The following TUBGCP6 variants were observed in gnomAD, a reference collection of about 807,000 sequenced individuals.
The protein encoded by TUBGCP6 is tubulin gamma complex component 6.
A neutral mutation model predicts 175.8 loss-of-function variants in TUBGCP6; 161 were observed. The ratio of observed to expected loss-of-function variants is 0.92; its 90% CI spans 0.81 to 1.04. TUBGCP6 has a LOEUF of 1.04. TUBGCP6 is among the 50% of genes least tolerant of loss of function. The probability of loss-of-function intolerance (pLI) is 0.00; values close to 1 mark genes in which losing one functional copy is unlikely to be tolerated. For missense variants in TUBGCP6, 2,572 were observed against 2,433.0 expected (o/e 1.06, Z -1.20); for synonymous variants, 1,173 against 1,030.5 (o/e 1.14, Z -2.65).
At chr22:50,226,709 G>T (rs780231670) in intron 7 of TUBGCP6, 24 bp downstream of exon 7, 1 of 1,555,792 alleles carries the variant, frequency 6.4e-7, no homozygotes, top group Admixed American at 1.9e-5. Flanking sequence ...CGCGCCCGCC[G>T]CGCCTGCCCA....
At chr22:50,233,660 G>T in intron 2 of TUBGCP6, 134 bp from the exon 3 acceptor site, 2 of 883,558 alleles carry the variant, frequency 2.3e-6, no homozygotes, top group Non-Finnish European at 1.7e-6. Context: ...AAGAAACATA[G>T]CCAGGTATGA....
At chr22:50,218,435 G>A in intron 22 of TUBGCP6, 33 bp from the exon 23 acceptor site, 2 of 1,612,794 alleles carry the variant, frequency 1.2e-6, no homozygotes, top group Non-Finnish European at 1.7e-6. Context: ...GGGCAGAGGT[G>A]AGCGCAGCCT....
intron 4 of TUBGCP6, 137 bp from the exon 5 acceptor site, chr22:50,228,165 T>C (rs2064640238): frequency 4.6e-6 from 5 of 1,079,710 alleles, no homozygotes; most frequent in Non-Finnish European, 6.3e-6. Flanking sequence ...GCAATGGGCC[T>C]CTGTGAGCCA....
At position 50,226,398 on chromosome 22, in the gene TUBGCP6, G is replaced by A; in HGVS notation, c.1602-20C>T. ...ATGAACCTGCAGTGGGGGAAAAGCA[G>A]GGGTAGATGTGGTCAACGGAGAGGT... On this transcript the variant is annotated intron_variant, in intron 7 of 24. Transcript: ENST00000248846. 1 of 1,586,368 alleles carries A rather than the reference G, an allele frequency of 6.3e-7. No homozygotes were observed. Among genetic ancestry groups the A allele is most frequent in the Non-Finnish European group, 8.6e-7 (1 of 1,165,830 alleles).
intron 2 of TUBGCP6, among the ~76,000 whole-genome samples, chr22:50,235,457 G>A (rs891783803): frequency 6.6e-6 from 1 of 152,246 alleles, no homozygotes; most frequent in Admixed American, 6.5e-5. Flanking sequence ...CCTTAAAAAG[G>A]AAGGCAGCTC....
intron 4 of TUBGCP6, among the ~76,000 whole-genome samples, chr22:50,228,329 C>CATGGCAAAG (rs1308229253): frequency 7.2e-6 from 1 of 139,112 alleles, no homozygotes. Context: ...GCCCCAGGGG[C>CATGGCAAAG]GCCCACCACC....
In TUBGCP6 at chr22:50,233,363, GCACGT is replaced by G. The variant is rs766333479; in HGVS notation, c.1064_1068del (p.Asp355AlafsTer210). ...GACACGACCCCAATCAAGACGTTCA[GCACGT>G]CTTTCACCAGCTCGCACTCCTTCAC... On this transcript the variant is annotated frameshift_variant, in exon 3 of 25. Transcript: ENST00000248846. LOFTEE classifies it high-confidence loss of function. 1 of 1,614,038 alleles carries G rather than the reference GCACGT, an allele frequency of 6.2e-7. No individual in the cohort carries two copies. The highest frequency in any genetic ancestry group is 8.5e-7 in the Non-Finnish European group (1 of 1,179,956).
intron 2 of TUBGCP6, among the ~76,000 whole-genome samples, chr22:50,236,199 G>C (rs1441186868): frequency 6.6e-6 from 1 of 151,848 alleles, no homozygotes; most frequent in African/African-American, 2.4e-5. Context: ...GCAGTGGCAC[G>C]ATCTTGGCCC....
intron 1 of TUBGCP6, 115 bp from the exon 2 acceptor site, chr22:50,240,482 T>C (rs2064826495): frequency 1.9e-5 from 25 of 1,284,194 alleles, no homozygotes; most frequent in Non-Finnish European, 2.6e-5. Context: ...TTCTTCTGTT[T>C]TTCTCAAGCG....
At chr22:50,238,378 C>G (rs535331744) in intron 2 of TUBGCP6, among the ~76,000 whole-genome samples, 7 of 149,136 alleles carry the variant, frequency 4.7e-5, no homozygotes, top group African/African-American at 1.7e-4. Context: ...ACCCGGGAGG[C>G]GGAGGTTGCA....
chr22:50,244,738 A>G lies in TUBGCP6; in HGVS notation c.-279T>C, dbSNP rs1453628494. ...GTTTCTTCTAATTCAGTAGCCCTCAACCTTTAGGGAGTCACAGAACCGTGG... is the reference window on the plus strand; with the variant it reads ...GTTTCTTCTAATTCAGTAGCCCTCAGCCTTTAGGGAGTCACAGAACCGTGG... On this transcript the variant is annotated 5_prime_UTR_variant, in exon 1 of 25. Coordinates refer to ENST00000248846, the MANE Select transcript of TUBGCP6 (RefSeq NM_020461.4). 1 of 444,608 alleles carries G rather than the reference A, an allele frequency of 2.2e-6. No individual in the cohort carries two copies. Among genetic ancestry groups the G allele is most frequent in the Non-Finnish European group, 4.0e-6 (1 of 248,564 alleles). The allele number at this position is 444,608 out of a possible 1,614,324, so 27.5% of individuals were successfully genotyped here. A position where few individuals can be genotyped will look rare whatever the true frequency, so the allele number is the denominator to read the frequency against.
At chr22:50,229,282 T>C (rs2064658464) in intron 4 of TUBGCP6, 122 bp downstream of exon 4, 6 of 1,127,752 alleles carry the variant, frequency 5.3e-6, no homozygotes, top group African/African-American at 1.6e-5. Context: ...TTTCAGATGT[T>C]AGCAAGGAAA....
chr22:50,224,282 G>C, intron 12 of TUBGCP6, 26 bp from the exon 13 acceptor site: 3 of 1,614,192 alleles, frequency 1.9e-6, no homozygotes, highest in Non-Finnish European at 2.5e-6. Context: ...AGCCTGGCCT[G>C]TGAAATCAGA....
rs572258765 is a variant in TUBGCP6 at position 50,219,449 on chromosome 22, C to G, written c.4323G>C (p.Pro1441=). ...CGGGGCGCAAAAGATGAGCAATGGG[C>G]GGCTCGGCTGCGGGAGATGGAGCAC... is the stretch of plus-strand genomic sequence containing the variant. ...YPDSYESMSE[P]PIAHLLRPVL... The change falls in exon 19 of 25, where the codon CCG becomes CCC. Residue 1441 remains proline, a synonymous_variant. Transcript: ENST00000248846. The G allele has an allele frequency of 6.3e-7, 1 of 1,576,146 alleles. No individual in the cohort carries two copies. Among genetic ancestry groups the G allele is most frequent in the Non-Finnish European group, 8.6e-7 (1 of 1,162,278 alleles).
Position 50,244,231 on chromosome 22 carries a change from A to G in TUBGCP6, c.229T>C (p.Leu77=). ...TTGGGGCCCAGGCCACCCACTCTCA[A>G]GTCAAAGGACAACATGAGGATCTTG... is the stretch of plus-strand genomic sequence containing the variant. ...RNKILMLSFD[L]RVGGLGPKAD... is the part of the protein sequence containing the mutation. Residue 77 remains leucine (L), a synonymous_variant, in exon 1 of 25, where the codon TTG becomes CTG. Transcript: ENST00000248846. The G allele has an allele frequency of 6.2e-7, 1 of 1,613,434 alleles. No homozygotes were observed. The highest frequency in any genetic ancestry group is 8.5e-7 in the Non-Finnish European group (1 of 1,180,040).
Position 50,243,956 on chromosome 22 carries a change from C to A in TUBGCP6, c.504G>T (p.Glu168Asp). Reference sequence around the variant, plus strand: ...CCTGGATCATGCTGTGACACAAACACTCTTCTCTGGAGATCAGAGACTGAA... The same window carrying A: ...CCTGGATCATGCTGTGACACAAACAATCTTCTCTGGAGATCAGAGACTGAA... ...MDVQSLISRE[E>D]CLCHSMIQET... Residue 168 changes from glutamate (E) to aspartate (D), a missense_variant, in exon 1 of 25, where the codon GAG becomes GAT. Transcript: ENST00000248846. The A allele has an allele frequency of 6.2e-7, 1 of 1,614,194 alleles. No homozygotes were observed. The highest frequency in any genetic ancestry group is 8.5e-7 in the Non-Finnish European group (1 of 1,180,054).
intron 2 of TUBGCP6, among the ~76,000 whole-genome samples, chr22:50,237,976 G>C (rs1409215817): frequency 2.6e-5 from 4 of 152,132 alleles, no homozygotes; most frequent in Non-Finnish European, 5.9e-5. Flanking sequence ...CACAAAATTA[G>C]CCAGGCGTGG....
chr22:50,219,588 C>T lies in TUBGCP6; in HGVS notation c.4315+56G>A, dbSNP rs56058201. 4.8e-3 allele frequency: 7,750 copies of T among 1,599,260 alleles called. 22 individuals are homozygous for T. The highest frequency in any genetic ancestry group is 6.0e-3 in the Non-Finnish European group (6,982 of 1,170,228). On this transcript the variant is annotated intron_variant, in intron 18 of 24. Transcript: ENST00000248846. ...GCCCCAACCCACAGGAGGTGGAGCACGTGCTGGGAACCAGCCAGCCCAGGG... is the reference window on the plus strand; with the variant it reads ...GCCCCAACCCACAGGAGGTGGAGCATGTGCTGGGAACCAGCCAGCCCAGGG...
intron 5 of TUBGCP6, 115 bp downstream of exon 5, chr22:50,227,792 G>T: frequency 7.0e-7 from 1 of 1,429,620 alleles, no homozygotes; most frequent in Non-Finnish European, 9.4e-7. Context: ...GTCGCCTGCT[G>T]AGGGCTGTTC....
Sources: allele counts gnomAD v4.1 joint callset (sites outside exome capture counted in the v4.1 genomes callset), GRCh38; gene constraint gnomAD v4.1.1; transcripts MANE v1.5; gene names NCBI Gene and HGNC (gene_info 2026-07-23, HGNC 2026-07-21).